The following EIF3B variants were observed in gnomAD, a reference collection of about 807,000 sequenced individuals.
EIF3B encodes eukaryotic translation initiation factor 3 subunit 9.
A neutral mutation model predicts 104.6 loss-of-function variants in EIF3B; 10 were observed. The ratio of observed to expected loss-of-function variants is 0.10; its 90% CI spans 0.06 to 0.16. The LOEUF is 0.16. Among genes scored for constraint, EIF3B ranks in the 10% least tolerant of loss-of-function variants. The probability of loss-of-function intolerance (pLI) is 1.00; values close to 1 mark genes in which losing one functional copy is unlikely to be tolerated. For missense variants in EIF3B, 1,014 were observed against 1,087.9 expected (o/e 0.93, Z 0.96); for synonymous variants, 542 against 417.2 (o/e 1.30, Z -3.65).
chr7:2,379,986 A>T (rs1408872325), intron 18 of EIF3B: 2 of 258,928 alleles, frequency 7.7e-6, no homozygotes, highest in Admixed American at 5.0e-5. Flanking sequence ...GCATGGGCAC[A>T]TGTGGGACAG....
chr7:2,358,160 C>T (rs1185514175), intron 1 of EIF3B, among the ~76,000 whole-genome samples: 2 of 151,992 alleles, frequency 1.3e-5, no homozygotes, highest in African/African-American at 2.4e-5. Flanking sequence ...AATGGCTCAC[C>T]GCAGCCTCTG....
At chr7:2,361,007 C>A (rs993456135) in intron 2 of EIF3B, 105 bp downstream of exon 2, 12 of 914,270 alleles carry the variant, frequency 1.3e-5, no homozygotes, top group Middle Eastern at 3.4e-4. Flanking sequence ...TGCCCAGGCA[C>A]GTGGGCCGTT....
chr7:2,367,069 G>A, intron 9 of EIF3B, 24 bp downstream of exon 9: 3 of 1,572,374 alleles, frequency 1.9e-6, no homozygotes, highest in Non-Finnish European at 1.7e-6. Flanking sequence ...TCAGTTTGGT[G>A]TCTTAGTGTG....
chr7:2,373,541 C>T (rs149904175), intron 12 of EIF3B: 36 of 152,314 alleles, frequency 2.4e-4, no homozygotes, highest in African/African-American at 8.7e-4. Flanking sequence ...CCGCACCTTT[C>T]GCAGCATGAT....
At position 2,355,242 on chromosome 7, in the gene EIF3B, C is replaced by T. The variant is rs1416096316; in HGVS notation, c.321C>T (p.Ala107=). The T allele has an allele frequency of 3.9e-6, 6 of 1,523,322 alleles. No homozygotes were observed. The highest frequency in any genetic ancestry group is 5.3e-6 in the Non-Finnish European group (6 of 1,142,692). 94.4% of individuals were successfully genotyped at this position (1,523,322 alleles called of 1,614,324 possible). ...CCCCTGTCCCGGCACAGGGCGAGGC[C>T]CCAGGAGAGCAGGCTCGGGACGAGC... ...AEPPVPAQGE[A]PGEQARDERS... is the part of the protein sequence containing the mutation. The change falls in exon 1 of 19, where the codon GCC becomes GCT. Residue 107 remains alanine (A), a synonymous_variant. Transcript: ENST00000360876.
chr7:2,364,647 A>C, intron 6 of EIF3B, 118 bp downstream of exon 6: 1 of 925,636 alleles, frequency 1.1e-6, no homozygotes, highest in South Asian at 1.6e-5. Flanking sequence ...GAGTATGCAG[A>C]ACGCTAATAA....
chr7:2,380,324 G>A lies in EIF3B; in HGVS notation c.*135G>A, dbSNP rs751022271. The stretch of plus-strand genomic sequence containing the variant: ...AGCCGAGGCCGTCCTGCAGGAAGCC[G>A]CGTGACTCCCGCCTCCTCCCTGTGC... On this transcript the variant is annotated 3_prime_UTR_variant, in exon 19 of 19. Transcript: ENST00000360876. The A allele has an allele frequency of 2.1e-5, 11 of 517,872 alleles. No individual in the cohort carries two copies. Among genetic ancestry groups the A allele is most frequent in the Non-Finnish European group, 4.2e-5 (11 of 259,438 alleles). The allele number at this position is 517,872 out of a possible 1,614,324, so 32.1% of individuals were successfully genotyped here. A position where few individuals can be genotyped will look rare whatever the true frequency, so the allele number is the denominator to read the frequency against.
chr7:2,373,325 C>T (rs1780459860), intron 12 of EIF3B: 1 of 152,982 alleles, frequency 6.5e-6, no homozygotes, highest in Non-Finnish European at 1.5e-5. Flanking sequence ...CTCACTTCAT[C>T]CTGGGGTCTC....
intron 10 of EIF3B, among the ~76,000 whole-genome samples, chr7:2,371,477 G>T (rs1325019813): frequency 6.6e-6 from 1 of 152,248 alleles, no homozygotes; most frequent in East Asian, 1.9e-4. Context: ...GCAGCCTGCA[G>T]TGTGGACCCT....
At chr7:2,366,218 C>G in intron 6 of EIF3B, 99 bp from the exon 7 acceptor site, 1 of 1,326,772 alleles carries the variant, frequency 7.5e-7, no homozygotes, top group Non-Finnish European at 1.0e-6. Flanking sequence ...GGGGAGAGAG[C>G]TGGTTCCGCG....
At chr7:2,367,476 TTTG>T (rs377751881) in intron 9 of EIF3B, among the ~76,000 whole-genome samples, 142 of 152,210 alleles carry the variant, frequency 9.3e-4, no homozygotes, top group African/African-American at 3.2e-3. Flanking sequence ...CACTCAGCTT[TTTG>T]TTGTTGTTGT....
chr7:2,367,916 A>C (rs907011782), intron 9 of EIF3B, among the ~76,000 whole-genome samples: 1 of 118,432 alleles, frequency 8.4e-6, no homozygotes, highest in African/African-American at 3.4e-5. Flanking sequence ...ATCTTGGCTC[A>C]CTGCAATTTC....
chr7:2,365,493 T>G (rs1469812701), intron 6 of EIF3B, among the ~76,000 whole-genome samples: 1 of 152,150 alleles, frequency 6.6e-6, no homozygotes, highest in Non-Finnish European at 1.5e-5. Context: ...TCTGGTGTTG[T>G]AAGGGACCGT....
intron 14 of EIF3B, 103 bp downstream of exon 14, chr7:2,375,630 A>C (rs1344109856): frequency 6.5e-7 from 1 of 1,531,540 alleles, no homozygotes; most frequent in Non-Finnish European, 8.9e-7. Context: ...AGGGGCACCA[A>C]GCCTCTGTGT....
Position 2,362,668 on chromosome 7 carries a change from C to G in EIF3B, c.716C>G (p.Ser239Cys), listed in dbSNP as rs1779799022. The change falls in exon 3 of 19, where the codon TCC becomes TGC. Residue 239 changes from serine to cysteine, a missense_variant. Transcript: ENST00000360876. ...TKGYIFLEYA[S>C]PAHAVDAVKN... ...AGGTATATTTTCCTGGAGTACGCGT[C>G]CCCTGCCCACGCTGTGGATGCTGTG... 6.2e-7 allele frequency: 1 copy of G among 1,614,240 alleles called. No homozygotes were observed. The highest frequency in any genetic ancestry group is 1.3e-5 in the African/African-American group (1 of 75,056).
chr7:2,379,635 G>A, intron 18 of EIF3B, 124 bp downstream of exon 18: 1 of 688,890 alleles, frequency 1.5e-6, no homozygotes, highest in Non-Finnish European at 2.5e-6. Context: ...AGTGTCATGT[G>A]CCCAGGGTTA....
intron 9 of EIF3B, 70 bp downstream of exon 9, chr7:2,367,115 A>C (rs551382183): frequency 4.2e-5 from 59 of 1,393,540 alleles, no homozygotes; most frequent in Middle Eastern, 1.8e-4. Flanking sequence ...AAAAAAAAAA[A>C]AAAACACAAT....
In EIF3B at chr7:2,364,441, A is replaced by G. The variant is rs762029255; in HGVS notation, c.1069A>G (p.Ile357Val). ...CCTGGCTACCTTTCATCAAAGAGGC[A>G]TTGCTCTATGGGGGGGAGAGAAATT... The part of the protein sequence containing the change: ...TYLATFHQRG[I>V]ALWGGEKFKQ... The change falls in exon 6 of 19, where the codon ATT becomes GTT. Residue 357 changes from isoleucine to valine, a missense_variant. By Grantham distance (29) the Ile-to-Val change is conservative. This residue lies in a region of EIF3B where 201 missense variants were observed against 240.7 expected (regional missense o/e 0.83). Coordinates refer to ENST00000360876, the MANE Select transcript of EIF3B (RefSeq NM_001037283.2). 6 of 1,613,506 alleles carry G rather than the reference A, an allele frequency of 3.7e-6. No individual in the cohort carries two copies. Among genetic ancestry groups the G allele is most frequent in the Non-Finnish European group, 5.1e-6 (6 of 1,179,798 alleles).
At position 2,373,139 on chromosome 7, in the gene EIF3B, C is replaced by T. The variant is rs187107856; in HGVS notation, c.1810+344C>T. 43 of 181,870 alleles carry T rather than the reference C, an allele frequency of 2.4e-4. 2 individuals are homozygous for T. The East Asian group carries it at 5.8e-3, about 25-fold the overall frequency. The allele number at this position is 181,870 out of a possible 1,614,324, so 11.3% of individuals were successfully genotyped here. ...CTGTGGACATACTCCTGCCAGTCCC[C>T]AGTCTGGGTCAGGTGCCTTTGACCA... On this transcript the variant is annotated intron_variant, in intron 12 of 18. Transcript: ENST00000360876.
Sources: gnomAD v4.1 joint callset for allele counts (sites outside exome capture counted in the v4.1 genomes callset) on GRCh38, gnomAD v4.1.1 for gene constraint, gnomAD v4.1.1 regional missense constraint, MANE v1.5 for transcripts, NCBI Gene and HGNC (gene_info 2026-07-23, HGNC 2026-07-21) for gene names.